The following UBE2J2 variants were observed in gnomAD, a reference collection of about 807,000 sequenced individuals.
UBE2J2 encodes ubiquitin-conjugating enzyme E2 J2.
Under a neutral mutation model 28.6 loss-of-function variants are expected in UBE2J2, and 5 were observed. The observed-to-expected ratio is 0.17, with a 90% CI of 0.09 to 0.37. The LOEUF (loss-of-function observed/expected upper bound fraction) is 0.37. Ranked by LOEUF, UBE2J2 falls within the 10% of genes least tolerant of loss-of-function variation. UBE2J2 has a pLI of 1.00. For missense variants in UBE2J2, 226 were observed against 338.9 expected (o/e 0.67, Z 2.62); for synonymous variants, 138 against 139.7 (o/e 0.99, Z 0.09).
At chr1:1,271,906 G>A (rs1278340895) in intron 1 of UBE2J2, among the ~76,000 whole-genome samples, 1 of 150,844 alleles carries the variant, frequency 6.6e-6, no homozygotes, top group East Asian at 2.0e-4. Context: ...TCCAGGAGGT[G>A]GAGGCTGTGG....
intron 2 of UBE2J2, chr1:1,264,900 C>G (rs1300103442): frequency 6.5e-6 from 1 of 153,942 alleles, no homozygotes; most frequent in Admixed American, 6.5e-5. Flanking sequence ...AGAAATAGTA[C>G]TCAAAAGAAA....
intron 2 of UBE2J2, chr1:1,265,968 G>T (rs552627086): frequency 9.1e-5 from 97 of 1,067,354 alleles, no homozygotes; most frequent in Non-Finnish European, 1.2e-4. Flanking sequence ...TATTCTTTGT[G>T]AATCATCGAA....
chr1:1,269,421 G>C (rs1640037784), intron 1 of UBE2J2, among the ~76,000 whole-genome samples: 1 of 152,086 alleles, frequency 6.6e-6, no homozygotes, highest in African/African-American at 2.4e-5. Context: ...ATGAAAACAG[G>C]GCTCCCTGCT....
chr1:1,260,068 C>T (rs915581325), intron 3 of UBE2J2, among the ~76,000 whole-genome samples: 1 of 152,180 alleles, frequency 6.6e-6, no homozygotes, highest in African/African-American at 2.4e-5. Flanking sequence ...AGCAGGGGGA[C>T]GCTGCAGCTT....
chr1:1,264,086 A>G (rs1462817066), intron 2 of UBE2J2, among the ~76,000 whole-genome samples: 1 of 152,202 alleles, frequency 6.6e-6, no homozygotes, highest in Admixed American at 6.6e-5. Context: ...AACAGAACAC[A>G]GCTAGTGATG....
At chr1:1,265,346 G>A (rs1639789120) in intron 2 of UBE2J2, among the ~76,000 whole-genome samples, 1 of 152,200 alleles carries the variant, frequency 6.6e-6, no homozygotes, top group Non-Finnish European at 1.5e-5. Context: ...CTGCTCTCCT[G>A]GAAGTCTGGT....
intron 1 of UBE2J2, chr1:1,271,375 T>C (rs746715329): frequency 2.0e-5 from 3 of 152,254 alleles, no homozygotes; most frequent in Admixed American, 1.3e-4. Context: ...AATAATTCAC[T>C]GGACAATTCA....
intron 6 of UBE2J2, 84 bp downstream of exon 6, chr1:1,255,961 G>T: frequency 9.6e-7 from 1 of 1,039,550 alleles, no homozygotes; most frequent in Non-Finnish European, 1.5e-6. Context: ...GCAGCTTCAG[G>T]ACACAGATTT....
At chr1:1,263,555 C>T in intron 2 of UBE2J2, 169 bp from the exon 3 acceptor site, 1 of 641,060 alleles carries the variant, frequency 1.6e-6, no homozygotes, top group South Asian at 1.7e-5. Context: ...AAACCCCCGT[C>T]TCTTCTACCG....
chr1:1,265,349 A>G (rs1379077212), intron 2 of UBE2J2, among the ~76,000 whole-genome samples: 1 of 152,194 alleles, frequency 6.6e-6, no homozygotes, highest in Non-Finnish European at 1.5e-5. Context: ...CTCTCCTGGA[A>G]GTCTGGTATT....
In UBE2J2 at chr1:1,254,810, GGGAGCTCCGAGAAACGCGCCA is replaced by G. The variant is rs754831826; in HGVS notation, c.*372_*392del. ...CGAGGTTCCCACCCGCTGAGGAGCC[GGGAGCTCCGAGAAACGCGCCA>G]GGAGCTCCAAGAACGCAGGAGCAGC... On this transcript the variant is annotated 3_prime_UTR_variant, in exon 7 of 7. Coordinates refer to ENST00000349431, the MANE Select transcript of UBE2J2 (RefSeq NM_058167.3). 1 of 165,018 alleles carries G rather than the reference GGGAGCTCCGAGAAACGCGCCA, an allele frequency of 6.1e-6. No individual in the cohort carries two copies. Among genetic ancestry groups the G allele is most frequent in the Non-Finnish European group, 1.3e-5 (1 of 76,536 alleles). 10.2% of individuals were successfully genotyped at this position (165,018 alleles called of 1,614,324 possible). A position where few individuals can be genotyped will look rare whatever the true frequency, so the allele number is the denominator to read the frequency against.
intron 2 of UBE2J2, among the ~76,000 whole-genome samples, chr1:1,265,627 G>GTGTGTGTA (rs1481516797): frequency 6.6e-6 from 1 of 150,606 alleles, no homozygotes; most frequent in African/African-American, 2.4e-5. Context: ...GTGTGTGTGT[G>GTGTGTGTA]TGTGTGTGTG....
chr1:1,258,783 G>A (rs1334687620), intron 3 of UBE2J2, among the ~76,000 whole-genome samples: 2 of 152,216 alleles, frequency 1.3e-5, no homozygotes, highest in Admixed American at 6.5e-5. Flanking sequence ...ATCTAGAGCC[G>A]CACACCCTGT....
At chr1:1,261,045 G>A (rs759784281) in intron 3 of UBE2J2, among the ~76,000 whole-genome samples, 1 of 152,220 alleles carries the variant, frequency 6.6e-6, no homozygotes, top group Non-Finnish European at 1.5e-5. Flanking sequence ...AGGAAAAGGG[G>A]TCAGAAATCC....
intron 6 of UBE2J2, among the ~76,000 whole-genome samples, chr1:1,255,807 C>G (rs765023799): frequency 6.6e-6 from 1 of 152,210 alleles, no homozygotes; most frequent in Non-Finnish European, 1.5e-5. Flanking sequence ...CTGCTCAGAA[C>G]CACGAGCTCC....
intron 2 of UBE2J2, 79 bp from the exon 3 acceptor site, chr1:1,263,465 T>C: frequency 7.6e-7 from 1 of 1,318,094 alleles, no homozygotes. Flanking sequence ...GCCTGGGGTT[T>C]ATAGAACCCA....
chr1:1,255,613 C>A, intron 6 of UBE2J2, 126 bp from the exon 7 acceptor site: 8 of 1,194,068 alleles, frequency 6.7e-6, no homozygotes, highest in Non-Finnish European at 9.3e-6. Flanking sequence ...CAAATTCCGA[C>A]CCCATCTCAC....
chr1:1,265,602 A>ATT (rs1491462789), intron 2 of UBE2J2, among the ~76,000 whole-genome samples: 1 of 49,360 alleles, frequency 2.0e-5, no homozygotes, highest in South Asian at 6.4e-4. Context: ...TTTTCTCTCC[A>ATT]TTGTGTGTGT....
At chr1:1,257,390 G>GCCCCCCCCCCCCCCC in intron 3 of UBE2J2, 80 bp from the exon 4 acceptor site, 1 of 177,552 alleles carries the variant, frequency 5.6e-6, no homozygotes, top group South Asian at 8.1e-5. Context: ...ATCCCCCCAC[G>GCCCCCCCCCCCCCCC]CCACCCCCCC....
Sources: gnomAD v4.1 joint callset for allele counts (sites outside exome capture counted in the v4.1 genomes callset) on GRCh38, gnomAD v4.1.1 for gene constraint, MANE v1.5 for transcripts, NCBI Gene and HGNC (gene_info 2026-07-23, HGNC 2026-07-21) for gene names.